Variants in LAPTM4B observed in about 807,000 individuals in gnomAD.
LAPTM4B encodes the protein lysosomal protein transmembrane 4 beta, also known as lysosomal-associated transmembrane protein 4B.
A neutral mutation model predicts 28.5 loss-of-function variants in LAPTM4B; 26 were observed. That is an observed-to-expected ratio of 0.91 (90% CI 0.67 to 1.27). The LOEUF (loss-of-function observed/expected upper bound fraction) is 1.27, where lower values mean the gene tolerates loss of function less well. Among genes scored for constraint, LAPTM4B ranks in the 50% most tolerant of loss-of-function variants. LAPTM4B has a pLI of 0.00. For missense variants in LAPTM4B, 288 were observed against 285.8 expected, an observed-to-expected ratio of 1.01 and a Z score of -0.06; for synonymous variants, 109 against 106.4, an observed-to-expected ratio of 1.02 and a Z score of -0.15.
At chr8:97,848,628 T>C (rs919887203) in intron 6 of LAPTM4B, among the ~76,000 whole-genome samples, 18 of 152,228 alleles carry the variant, frequency 1.2e-4, no homozygotes, top group African/African-American at 4.3e-4. Flanking sequence ...TACACCAGCC[T>C]GGGCAACGTG....
At chr8:97,824,685 A>G (rs1435279907) in intron 5 of LAPTM4B, among the ~76,000 whole-genome samples, 1 of 152,264 alleles carries the variant, frequency 6.6e-6, no homozygotes, top group Non-Finnish European at 1.5e-5. Context: ...CTGTGGCAAT[A>G]AATGAGTTAA....
At chr8:97,829,860 C>A (rs1284021179) in intron 6 of LAPTM4B, among the ~76,000 whole-genome samples, 1 of 152,022 alleles carries the variant, frequency 6.6e-6, no homozygotes, top group Non-Finnish European at 1.5e-5. Flanking sequence ...CCATTCCCAG[C>A]TAATTTTTGT....
At chr8:97,819,571 GAAT>G (rs1287427589) in intron 5 of LAPTM4B, among the ~76,000 whole-genome samples, 21 of 152,094 alleles carry the variant, frequency 1.4e-4, no homozygotes, top group African/African-American at 4.8e-4. Context: ...AATATTTTCT[GAAT>G]ATTGTTCTAT....
intron 3 of LAPTM4B, 70 bp from the exon 4 acceptor site, chr8:97,815,988 C>G: frequency 7.6e-7 from 1 of 1,308,274 alleles, no homozygotes; most frequent in South Asian, 1.5e-5. Context: ...TAATAAAATA[C>G]TTTGAATTTA....
chr8:97,775,904 G>C lies in LAPTM4B; in HGVS notation c.-106G>C. 1 of 1,457,838 alleles carries C rather than the reference G, an allele frequency of 6.9e-7. No homozygotes were observed. The highest frequency in any genetic ancestry group is 9.0e-7 in the Non-Finnish European group (1 of 1,113,490). The allele number at this position is 1,457,838 out of a possible 1,614,324, so 90.3% of individuals were successfully genotyped here. A position where few individuals can be genotyped will look rare whatever the true frequency, so the allele number is the denominator to read the frequency against. On this transcript the variant is annotated 5_prime_UTR_variant, in exon 1 of 7. Transcript: ENST00000521545. ...GGGCGCACGGGCGAGCGGGCCGGGA[G>C]CCGGAGCGGCGGAGGAGCCGGCAGC... is the stretch of plus-strand genomic sequence containing the variant.
At chr8:97,834,045 C>T (rs553668085) in intron 6 of LAPTM4B, among the ~76,000 whole-genome samples, 5 of 151,572 alleles carry the variant, frequency 3.3e-5, no homozygotes, top group Non-Finnish European at 7.4e-5. Flanking sequence ...TGAAAACTCG[C>T]AGTGGCTCAC....
intron 2 of LAPTM4B, among the ~76,000 whole-genome samples, chr8:97,806,830 G>A (rs899973156): frequency 2.6e-5 from 4 of 152,124 alleles, no homozygotes; most frequent in African/African-American, 4.8e-5. Context: ...GGTGGTGAGT[G>A]CCTGTAATCC....
chr8:97,824,904 A>G (rs944370036), intron 5 of LAPTM4B, among the ~76,000 whole-genome samples, 154 bp from the exon 6 acceptor site: 1 of 151,170 alleles, frequency 6.6e-6, no homozygotes, highest in Non-Finnish European at 1.5e-5. Context: ...CAACATTTGT[A>G]CTTTCAGGGA....
intron 4 of LAPTM4B, among the ~76,000 whole-genome samples, chr8:97,817,445 CTTTTTT>C (rs753483537): frequency 1.1e-5 from 1 of 89,004 alleles, no homozygotes; most frequent in Non-Finnish European, 2.3e-5. Context: ...GCCAACTTTA[CTTTTTT>C]TTTTTTTTTT....
At chr8:97,811,599 C>T (rs1816828135) in intron 2 of LAPTM4B, among the ~76,000 whole-genome samples, 1 of 152,122 alleles carries the variant, frequency 6.6e-6, no homozygotes, top group South Asian at 2.1e-4. Flanking sequence ...TGGCTCTCAA[C>T]ATCACAAACT....
chr8:97,841,373 G>C (rs758634156), intron 6 of LAPTM4B, among the ~76,000 whole-genome samples: 4 of 152,164 alleles, frequency 2.6e-5, no homozygotes, highest in Non-Finnish European at 5.9e-5. Context: ...TGTCACCCGG[G>C]CTGGAGTGCA....
intron 1 of LAPTM4B, among the ~76,000 whole-genome samples, chr8:97,798,526 C>T (rs918314825): frequency 2.6e-5 from 4 of 152,072 alleles, no homozygotes; most frequent in Non-Finnish European, 4.4e-5. Flanking sequence ...GACGGCCTCG[C>T]GAAGAACCAG....
chr8:97,782,660 A>G (rs1030926838), intron 1 of LAPTM4B, among the ~76,000 whole-genome samples: 4 of 147,292 alleles, frequency 2.7e-5, no homozygotes, highest in South Asian at 4.3e-4. Context: ...CTTGTCTCGA[A>G]CTCCTGACCT....
chr8:97,828,226 G>A (rs1289245420), intron 6 of LAPTM4B, among the ~76,000 whole-genome samples: 1 of 152,160 alleles, frequency 6.6e-6, no homozygotes, highest in Admixed American at 6.6e-5. Context: ...GAGGGATGAT[G>A]GGAGATTTTT....
chr8:97,834,456 A>T (rs1409033137), intron 6 of LAPTM4B, among the ~76,000 whole-genome samples: 1 of 152,178 alleles, frequency 6.6e-6, no homozygotes, highest in Non-Finnish European at 1.5e-5. Context: ...CTGATATATA[A>T]TAGTTAATAT....
intron 4 of LAPTM4B, among the ~76,000 whole-genome samples, chr8:97,818,740 C>T (rs1440334997): frequency 1.3e-5 from 2 of 152,048 alleles, no homozygotes; most frequent in Non-Finnish European, 2.9e-5. Flanking sequence ...GCTCTGTCGC[C>T]CGGGCGGCTG....
chr8:97,779,252 G>A (rs1483378455), intron 1 of LAPTM4B, among the ~76,000 whole-genome samples: 6 of 152,178 alleles, frequency 3.9e-5, no homozygotes, highest in East Asian at 1.9e-4. Context: ...AGGCTGAGGC[G>A]GGCAGATCAT....
intron 2 of LAPTM4B, among the ~76,000 whole-genome samples, chr8:97,806,787 T>C (rs537436768): frequency 6.6e-6 from 1 of 152,232 alleles, no homozygotes; most frequent in East Asian, 1.9e-4. Flanking sequence ...CAATACCTCA[T>C]CTCTACTAAA....
At chr8:97,845,722 G>T (rs1817418037) in intron 6 of LAPTM4B, among the ~76,000 whole-genome samples, 1 of 152,036 alleles carries the variant, frequency 6.6e-6, no homozygotes, top group Non-Finnish European at 1.5e-5. Context: ...TAAACACATA[G>T]ATGGAAAATT....
Sources: gnomAD v4.1 joint callset for allele counts (sites outside exome capture counted in the v4.1 genomes callset) on GRCh38, gnomAD v4.1.1 for gene constraint, MANE v1.5 for transcripts, NCBI Gene and HGNC (gene_info 2026-07-23, HGNC 2026-07-21) for gene names.